The following CAST variants were observed in gnomAD, a reference collection of about 807,000 sequenced individuals.
The protein encoded by CAST is calpastatin.
In CAST, 76 loss-of-function variants were observed where a neutral mutation model predicts 119.6. The ratio of observed to expected loss-of-function variants is 0.64; its 90% confidence interval spans 0.53 to 0.77. The LOEUF (loss-of-function observed/expected upper bound fraction) is 0.77, where lower values mean the gene tolerates loss of function less well. Ranked by LOEUF, CAST falls within the 30% of genes least tolerant of loss-of-function variation. CAST has a pLI of 0.00. For missense variants in CAST, 953 were observed against 946.5 expected, an observed-to-expected ratio of 1.01 and a Z score of -0.09; for synonymous variants, 319 against 331.6, an observed-to-expected ratio of 0.96 and a Z score of 0.41.
intron 1 of CAST, among the ~76,000 whole-genome samples, chr5:96,603,616 C>T (rs1747198794): frequency 6.6e-6 from 1 of 152,090 alleles, no homozygotes; most frequent in Non-Finnish European, 1.5e-5. Flanking sequence ...CTGACTGGGG[C>T]TGTTTTACAG....
intron 3 of CAST, among the ~76,000 whole-genome samples, chr5:96,705,099 C>T (rs995560147): frequency 1.3e-5 from 2 of 152,198 alleles, no homozygotes; most frequent in Middle Eastern, 3.4e-3. Flanking sequence ...GAGGGAGGAT[C>T]GCTTGAGGCC....
At chr5:96,037,532 G>T in the CAST span, among the ~76,000 whole-genome samples, 3 of 152,090 alleles carry the variant, frequency 2.0e-5, no homozygotes, top group East Asian at 1.9e-4. Flanking sequence ...TTAACATTTT[G>T]CCATGTATGT....
At chr5:96,441,052 C>T in the CAST span, among the ~76,000 whole-genome samples, 2 of 152,240 alleles carry the variant, frequency 1.3e-5, no homozygotes, top group East Asian at 3.9e-4. Flanking sequence ...TCCTCATTTA[C>T]GGAATGAGGG....
At chr5:96,754,376 G>T (rs183379646) in intron 21 of CAST, among the ~76,000 whole-genome samples, 64 of 152,306 alleles carry the variant, frequency 4.2e-4, no homozygotes, top group Non-Finnish European at 7.8e-4. Context: ...ACAGACCGGA[G>T]GCCTCTGAGT....
At chr5:96,116,450 C>T in the CAST span, among the ~76,000 whole-genome samples, 8 of 152,120 alleles carry the variant, frequency 5.3e-5, no homozygotes, top group African/African-American at 9.7e-5. Context: ...GTTTTCATTT[C>T]TCTTGGGTAA....
the CAST span, among the ~76,000 whole-genome samples, chr5:96,459,334 T>G: frequency 6.6e-6 from 1 of 152,154 alleles, no homozygotes; most frequent in Non-Finnish European, 1.5e-5. Flanking sequence ...CATGGTCGTA[T>G]ATTGTAATGT....
chr5:96,168,108 C>T, the CAST span, among the ~76,000 whole-genome samples: 1 of 152,120 alleles, frequency 6.6e-6, no homozygotes, highest in African/African-American at 2.4e-5. Context: ...GTCCAAGAAC[C>T]ATTTGCCTTG....
chr5:96,482,026 G>A, the CAST span, among the ~76,000 whole-genome samples: 1 of 152,186 alleles, frequency 6.6e-6, no homozygotes, highest in African/African-American at 2.4e-5. Flanking sequence ...GCATGGTAAT[G>A]AAGGAGATTT....
rs1201882502 is a variant in CAST at position 96,534,955 on chromosome 5, AAG to A, written c.60+5077_60+5078del. On this transcript the variant is annotated intron_variant, in intron 1 of 11. Coordinates refer to the CAST transcript ENST00000505143. ...AAAGAAAGAAAGAGAAAGGGAAAGA[AAG>A]AAAGAAAAAGAAAACTACAGTAGGC... 9.2e-5 allele frequency among the ~76,000 whole-genome samples: 14 copies of A among 152,152 alleles called. No homozygotes were observed. In the East Asian group the frequency reaches 1.9e-3, roughly 21 times the overall value.
the CAST span, among the ~76,000 whole-genome samples, chr5:96,403,436 C>G: frequency 1.3e-5 from 2 of 152,076 alleles, no homozygotes; most frequent in South Asian, 2.1e-4. Context: ...CATGACAGGC[C>G]CCGGTGTATT....
intron 1 of CAST, among the ~76,000 whole-genome samples, chr5:96,571,195 A>G (rs1376678926): frequency 6.6e-6 from 1 of 152,172 alleles, no homozygotes; most frequent in Non-Finnish European, 1.5e-5. Flanking sequence ...ACCTTATTCC[A>G]GCTCCAAACC....
chr5:96,358,573 T>A, the CAST span, among the ~76,000 whole-genome samples: 2 of 152,228 alleles, frequency 1.3e-5, no homozygotes, highest in Admixed American at 1.3e-4. Context: ...TATTTCTGCC[T>A]TAATTTCATT....
chr5:96,258,442 A>T, the CAST span, among the ~76,000 whole-genome samples: 46 of 152,352 alleles, frequency 3.0e-4, 1 homozygote, highest in East Asian at 8.1e-3. Context: ...CCATTTTAAG[A>T]TAAATGCTTT....
the CAST span, among the ~76,000 whole-genome samples, chr5:96,171,195 T>C: frequency 2.6e-5 from 4 of 152,110 alleles, no homozygotes; most frequent in South Asian, 2.1e-4. Context: ...TTAGGTCTTG[T>C]AGGATGGAGA....
intron 1 of CAST, among the ~76,000 whole-genome samples, chr5:96,610,480 A>G (rs1323420869): frequency 6.6e-6 from 1 of 152,226 alleles, no homozygotes; most frequent in Admixed American, 6.5e-5. Context: ...TTTTCATGAC[A>G]AAAATCCTCA....
chr5:96,627,728 G>T (rs1181818002), intron 1 of CAST, among the ~76,000 whole-genome samples: 1 of 152,234 alleles, frequency 6.6e-6, no homozygotes. Context: ...GATTTATGAG[G>T]AGGAAGATGA....
intron 1 of CAST, among the ~76,000 whole-genome samples, chr5:96,534,785 GAAAGAAAGAAAGAAAGAAGAAAGA>G (rs1288134193): frequency 1.9e-3 from 211 of 110,286 alleles, no homozygotes; most frequent in African/African-American, 7.0e-3. Context: ...AAGAAAGAAA[GAAAGAAAGAAAGAAAGAAGAAAGA>G]AAGAAAGAAA....
At chr5:96,191,771 T>C in the CAST span, among the ~76,000 whole-genome samples, 1 of 152,238 alleles carries the variant, frequency 6.6e-6, no homozygotes, top group South Asian at 2.1e-4. Context: ...GGTTTCACCA[T>C]GTTGGCCAGG....
chr5:96,356,981 A>C, the CAST span, among the ~76,000 whole-genome samples: 918 of 152,224 alleles, frequency 6.0e-3, 13 homozygotes, highest in African/African-American at 0.021. Flanking sequence ...ATGTTTTTCC[A>C]TTTGTTTGTG....
Sources: gnomAD v4.1 joint callset for allele counts (sites outside exome capture counted in the v4.1 genomes callset) on GRCh38, gnomAD v4.1.1 for gene constraint, MANE v1.5 for transcripts, NCBI Gene and HGNC (gene_info 2026-07-23, HGNC 2026-07-21) for gene names.